Variants in UBR3 observed in about 807,000 individuals in gnomAD.
UBR3 encodes the protein ubiquitin protein ligase E3 component n-recognin 3.
A neutral mutation model predicts 243.2 loss-of-function variants in UBR3; 85 were observed. The observed-to-expected ratio is 0.35, with a 90% CI of 0.29 to 0.42. The LOEUF (loss-of-function observed/expected upper bound fraction) is 0.42. Ranked by LOEUF, UBR3 falls within the 10% of genes least tolerant of loss-of-function variation. The probability of loss-of-function intolerance (pLI) is 1.00; values close to 1 mark genes in which losing one functional copy is unlikely to be tolerated. For synonymous variants in UBR3, 748 were observed against 799.8 expected, an observed-to-expected ratio of 0.94 and a Z score of 1.09; for missense variants, 1,686 against 2,300.8, an observed-to-expected ratio of 0.73 and a Z score of 5.47.
intron 5 of UBR3, among the ~76,000 whole-genome samples, chr2:169,890,579 A>ATGTG (rs1553504576): frequency 3.9e-4 from 24 of 61,232 alleles, no homozygotes; most frequent in East Asian, 1.4e-3. Context: ...ATATATATAT[A>ATGTG]TGTATATATA....
intron 33 of UBR3, among the ~76,000 whole-genome samples, chr2:170,056,569 G>T (rs2091341306): frequency 6.6e-6 from 1 of 152,172 alleles, no homozygotes; most frequent in Admixed American, 6.5e-5. Context: ...GTAGAAGTTG[G>T]TAGGAAAAAT....
intron 24 of UBR3, 81 bp downstream of exon 24, chr2:169,958,607 T>A: frequency 8.1e-7 from 1 of 1,235,092 alleles, no homozygotes; most frequent in South Asian, 1.4e-5. Context: ...TTTTACTAAT[T>A]TAAAACATTA....
intron 26 of UBR3, among the ~76,000 whole-genome samples, chr2:169,999,356 A>C (rs1169375387): frequency 1.3e-5 from 2 of 152,216 alleles, no homozygotes; most frequent in Non-Finnish European, 2.9e-5. Flanking sequence ...GCAGCTTCAC[A>C]TCTTTAAATT....
intron 35 of UBR3, among the ~76,000 whole-genome samples, chr2:170,067,770 ATTTT>A (rs36071079): frequency 1.4e-5 from 2 of 138,454 alleles, no homozygotes; most frequent in Non-Finnish European, 3.1e-5. Context: ...CAAGGAAATA[ATTTT>A]TTTTTTTTTT....
chr2:169,834,268 A>G (rs905858006), intron 1 of UBR3, among the ~76,000 whole-genome samples: 2 of 152,160 alleles, frequency 1.3e-5, no homozygotes, highest in African/African-American at 4.8e-5. Context: ...ATAGTATTTC[A>G]TTGTATTTCC....
intron 26 of UBR3, among the ~76,000 whole-genome samples, chr2:169,995,649 TC>T (rs1385674895): frequency 6.6e-6 from 1 of 152,198 alleles, no homozygotes; most frequent in African/African-American, 2.4e-5. Context: ...GATTTTTGCC[TC>T]CCTCTTTTAC....
At chr2:169,879,602 T>C (rs1208883952) in intron 5 of UBR3, among the ~76,000 whole-genome samples, 2 of 152,208 alleles carry the variant, frequency 1.3e-5, no homozygotes, top group African/African-American at 2.4e-5. Context: ...TGTCTTAACT[T>C]CTTCATGTCT....
chr2:169,948,858 C>T (rs558868460), intron 22 of UBR3, among the ~76,000 whole-genome samples: 4 of 151,688 alleles, frequency 2.6e-5, no homozygotes, highest in African/African-American at 9.7e-5. Flanking sequence ...AGTTTGATTG[C>T]TTTAGCAAAA....
intron 1 of UBR3, among the ~76,000 whole-genome samples, chr2:169,832,006 G>C (rs1039074381): frequency 9.2e-5 from 14 of 152,244 alleles, no homozygotes; most frequent in African/African-American, 3.4e-4. Flanking sequence ...CTTTTCACCA[G>C]TGTCTGACTG....
chr2:169,962,948 A>T (rs889649841), intron 24 of UBR3, among the ~76,000 whole-genome samples: 1 of 152,100 alleles, frequency 6.6e-6, no homozygotes, highest in Non-Finnish European at 1.5e-5. Flanking sequence ...TAGTCTGTGT[A>T]CATGGGTAAA....
At chr2:169,872,910 GTTC>G (rs1334468692) in intron 2 of UBR3, among the ~76,000 whole-genome samples, 12 of 151,998 alleles carry the variant, frequency 7.9e-5, no homozygotes, top group African/African-American at 2.9e-4. Flanking sequence ...AATTACAGAT[GTTC>G]TTCTTACTTT....
intron 1 of UBR3, among the ~76,000 whole-genome samples, chr2:169,831,637 A>G (rs1401925432): frequency 6.6e-6 from 1 of 152,116 alleles, no homozygotes; most frequent in Non-Finnish European, 1.5e-5. Flanking sequence ...TTCCTGGGCT[A>G]TACAGCTAAT....
intron 7 of UBR3, among the ~76,000 whole-genome samples, chr2:169,896,044 C>A (rs575494643): frequency 6.6e-6 from 1 of 152,016 alleles, no homozygotes; most frequent in East Asian, 1.9e-4. Flanking sequence ...CGTCTGTAGT[C>A]CCAGCACTTT....
intron 24 of UBR3, among the ~76,000 whole-genome samples, chr2:169,966,686 C>G (rs1306634038): frequency 1.3e-5 from 2 of 152,304 alleles, no homozygotes; most frequent in Non-Finnish European, 2.9e-5. Flanking sequence ...TAACTTCTCT[C>G]TACCTCGTTT....
At chr2:169,976,557 T>C (rs1156237917) in intron 24 of UBR3, among the ~76,000 whole-genome samples, 1 of 152,142 alleles carries the variant, frequency 6.6e-6, no homozygotes, top group Admixed American at 6.5e-5. Context: ...TTCTTTTCTT[T>C]CAAAATTTCA....
chr2:169,953,027 CA>C (rs2087109579), intron 23 of UBR3, among the ~76,000 whole-genome samples: 1 of 152,044 alleles, frequency 6.6e-6, no homozygotes. Flanking sequence ...AGAAGATAAA[CA>C]GTGAATCAAA....
intron 29 of UBR3, among the ~76,000 whole-genome samples, chr2:170,011,708 T>C (rs981142899): frequency 1.3e-5 from 2 of 151,674 alleles, no homozygotes; most frequent in African/African-American, 4.8e-5. Context: ...GAGAATTTTC[T>C]GAGGGTATCA....
intron 20 of UBR3, among the ~76,000 whole-genome samples, chr2:169,945,556 C>G (rs1242815296): frequency 6.6e-6 from 1 of 152,176 alleles, no homozygotes; most frequent in Non-Finnish European, 1.5e-5. Flanking sequence ...CTGCTGCTGC[C>G]TACAGAATTT....
chr2:170,059,711 C>T (rs2091419189), intron 33 of UBR3, among the ~76,000 whole-genome samples: 1 of 151,972 alleles, frequency 6.6e-6, no homozygotes, highest in Non-Finnish European at 1.5e-5. Context: ...GAGTCAGAGT[C>T]GTTTTTATAG....
Sources: allele counts gnomAD v4.1 joint callset (sites outside exome capture counted in the v4.1 genomes callset), GRCh38; gene constraint gnomAD v4.1.1; transcripts MANE v1.5; gene names NCBI Gene and HGNC (gene_info 2026-07-23, HGNC 2026-07-21).